FHIT: variants seen among roughly 807,000 people sequenced by gnomAD.
The protein encoded by FHIT is fragile histidine triad diadenosine triphosphatase, also known as bis(5'-adenosyl)-triphosphatase.
A neutral mutation model predicts 17.9 loss-of-function variants in FHIT; 19 were observed. That is an observed-to-expected ratio of 1.06 (90% CI 0.74 to 1.56). The LOEUF is 1.56. FHIT is among the 40% of genes most tolerant of loss of function. The pLI, the probability that FHIT is intolerant of heterozygous loss-of-function variation, is 0.00. For missense variants in FHIT, 248 were observed against 189.2 expected (o/e 1.31, Z -1.82); for synonymous variants, 81 against 69.7 (o/e 1.16, Z -0.81).
chr3:60,818,737 C>T (rs1701821272), intron 4 of FHIT, among the ~76,000 whole-genome samples: 1 of 152,072 alleles, frequency 6.6e-6, no homozygotes, highest in Non-Finnish European at 1.5e-5. Flanking sequence ...TGGGAGCTTC[C>T]CCTCTCTGCC....
At chr3:60,071,266 T>C (rs984464091) in intron 5 of FHIT, among the ~76,000 whole-genome samples, 4 of 152,142 alleles carry the variant, frequency 2.6e-5, no homozygotes, top group Non-Finnish European at 5.9e-5. Flanking sequence ...GGTGAAAGAA[T>C]CCTATTCATA....
chr3:61,072,887 C>T (rs1575962770), intron 2 of FHIT, among the ~76,000 whole-genome samples: 1 of 152,178 alleles, frequency 6.6e-6, no homozygotes, highest in Admixed American at 6.5e-5. Context: ...TTGTTTATGG[C>T]TTGTAAATGT....
At chr3:59,891,417 T>G (rs1309496939) in intron 8 of FHIT, among the ~76,000 whole-genome samples, 3 of 152,206 alleles carry the variant, frequency 2.0e-5, no homozygotes. Flanking sequence ...GAATTCCCAT[T>G]GCTGGGTAGA....
At chr3:60,242,668 G>A (rs1705192245) in intron 5 of FHIT, among the ~76,000 whole-genome samples, 1 of 151,808 alleles carries the variant, frequency 6.6e-6, no homozygotes, top group Admixed American at 6.6e-5. Flanking sequence ...CTGAGCACAG[G>A]GATCCCCGAA....
intron 5 of FHIT, among the ~76,000 whole-genome samples, chr3:60,523,437 T>C (rs981627871): frequency 5.9e-5 from 9 of 152,154 alleles, no homozygotes; most frequent in African/African-American, 1.7e-4. Context: ...CTAATGGAAA[T>C]TTCCTTGATT....
intron 5 of FHIT, among the ~76,000 whole-genome samples, chr3:60,512,364 C>G (rs1216016093): frequency 6.6e-6 from 1 of 152,156 alleles, no homozygotes; most frequent in Admixed American, 6.5e-5. Flanking sequence ...ATTAAGCAAC[C>G]TGCCCCACTC....
chr3:60,503,970 C>T (rs747200722), intron 5 of FHIT, among the ~76,000 whole-genome samples: 16 of 152,182 alleles, frequency 1.1e-4, no homozygotes, highest in Admixed American at 2.0e-4. Flanking sequence ...TAAGAAAGAG[C>T]AAATAAGCCT....
chr3:60,477,751 A>G (rs1480450866), intron 5 of FHIT, among the ~76,000 whole-genome samples: 1 of 152,226 alleles, frequency 6.6e-6, no homozygotes, highest in African/African-American at 2.4e-5. Flanking sequence ...TTGTCTCAGG[A>G]ATCAGGTAGA....
At chr3:60,067,722 C>A (rs375324638) in intron 5 of FHIT, among the ~76,000 whole-genome samples, 37 of 152,164 alleles carry the variant, frequency 2.4e-4, no homozygotes, top group African/African-American at 8.9e-4. Flanking sequence ...TTGTGGTATA[C>A]TGGGAATTTC....
At chr3:60,780,669 C>T (rs1381287815) in intron 4 of FHIT, among the ~76,000 whole-genome samples, 3 of 152,186 alleles carry the variant, frequency 2.0e-5, no homozygotes, top group Non-Finnish European at 4.4e-5. Context: ...AGCGCCCCCT[C>T]TCAGCAGGAA....
chr3:60,888,754 G>C (rs565889823), intron 3 of FHIT, among the ~76,000 whole-genome samples: 42 of 152,144 alleles, frequency 2.8e-4, no homozygotes, highest in Non-Finnish European at 5.3e-4. Flanking sequence ...ACATATAAAA[G>C]TGATAGTTCT....
intron 8 of FHIT, among the ~76,000 whole-genome samples, chr3:59,757,900 A>AAC (rs1172701857): frequency 6.6e-6 from 1 of 152,178 alleles, no homozygotes; most frequent in Non-Finnish European, 1.5e-5. Context: ...AGTTTTGATG[A>AAC]ACACATGATA....
In FHIT at chr3:60,884,910, C is replaced by CAA. The variant is rs71092651; in HGVS notation, c.-110-62901_-110-62900dup. On this transcript the variant is annotated intron_variant, in intron 3 of 9. Transcript: ENST00000492590. ...TAGGTGACAGACTGAGACCCTTTCT[C>CAA]AAAAAAAAAAAAAAGAAGAAGAAGA... 4.5e-5 allele frequency among the ~76,000 whole-genome samples: 5 copies of CAA among 110,278 alleles called. 1 individual carries two copies. Among genetic ancestry groups the CAA allele is most frequent in the Admixed American group, 9.5e-5 (1 of 10,488 alleles). 72.3% of individuals were successfully genotyped at this position (110,278 alleles called of 152,430 possible). A position where few individuals can be genotyped will look rare whatever the true frequency, so the allele number is the denominator to read the frequency against.
intron 5 of FHIT, among the ~76,000 whole-genome samples, chr3:60,317,398 AGAATT>A (rs1366085438): frequency 7.7e-4 from 117 of 151,966 alleles, no homozygotes; most frequent in African/African-American, 2.7e-3. Context: ...ATGGTCTATT[AGAATT>A]CCTCTGATGC....
At chr3:60,610,267 C>A (rs1050208220) in intron 4 of FHIT, among the ~76,000 whole-genome samples, 1 of 152,118 alleles carries the variant, frequency 6.6e-6, no homozygotes, top group South Asian at 2.1e-4. Context: ...CCTTCATTTG[C>A]CAAACAATCT....
chr3:61,181,924 T>C (rs1302116985), intron 2 of FHIT, among the ~76,000 whole-genome samples: 11 of 152,244 alleles, frequency 7.2e-5, no homozygotes, highest in Non-Finnish European at 1.5e-4. Context: ...TGACTGTTAC[T>C]ATTCTTTCTG....
chr3:61,114,700 T>C (rs2106901008), intron 2 of FHIT, among the ~76,000 whole-genome samples: 1 of 152,256 alleles, frequency 6.6e-6, no homozygotes, highest in African/African-American at 2.4e-5. Context: ...GTTAATGCAA[T>C]TGTAGTGAGT....
chr3:60,734,817 A>T (rs1176984541), intron 4 of FHIT, among the ~76,000 whole-genome samples: 1 of 152,256 alleles, frequency 6.6e-6, no homozygotes, highest in Non-Finnish European at 1.5e-5. Context: ...AAGATTTGCT[A>T]TGTGATGAGG....
In FHIT at chr3:60,424,180, G is replaced by A. The variant is rs541522214; in HGVS notation, c.103+112680C>T. ...TGATTTTACTGATGAGAACGCTGAA[G>A]TTCAGAGAGGTTAAATCACTTGGCC... On this transcript the variant is annotated intron_variant, in intron 5 of 9. Coordinates refer to ENST00000492590, the MANE Select transcript of FHIT (RefSeq NM_002012.4). Among the ~76,000 whole-genome samples the A allele has an allele frequency of 6.8e-4, 104 of 152,224 alleles. 2 individuals carry two copies. The highest frequency in any genetic ancestry group is 2.3e-3 in the African/African-American group (94 of 41,550).
Sources: gnomAD v4.1 joint callset for allele counts (sites outside exome capture counted in the v4.1 genomes callset) on GRCh38, gnomAD v4.1.1 for gene constraint, MANE v1.5 for transcripts, NCBI Gene and HGNC (gene_info 2026-07-23, HGNC 2026-07-21) for gene names.